SLC6A3: variants seen among roughly 807,000 people sequenced by gnomAD.
SLC6A3 encodes the protein sodium-dependent dopamine transporter.
Under a neutral mutation model 70.4 loss-of-function variants are expected in SLC6A3, and 19 were observed. The ratio of observed to expected loss-of-function variants is 0.27; its 90% CI spans 0.19 to 0.40. The LOEUF (loss-of-function observed/expected upper bound fraction) is 0.40. SLC6A3 is among the 10% of genes least tolerant of loss of function. The probability of loss-of-function intolerance (pLI) is 1.00; values close to 1 mark genes in which losing one functional copy is unlikely to be tolerated. For synonymous variants in SLC6A3, 368 were observed against 356.6 expected (o/e 1.03, Z -0.36); for missense variants, 613 against 838.5 (o/e 0.73, Z 3.32).
rs186294885 is a variant in SLC6A3 at position 1,437,299 on chromosome 5, G to A, written c.418+4060C>T. On this transcript the variant is annotated intron_variant, in intron 3 of 14. Transcript: ENST00000270349. The surrounding 1 kb of genome is among the most constrained non-coding windows in gnomAD (Gnocchi z 4.8). ...AAAGAAAAGAAAGAGGGGAGAGGAC[G>A]CCTCTCTGTGTCAGTCTGGGTGTCT... Among the ~76,000 whole-genome samples, 77 of 151,778 alleles carry A rather than the reference G, an allele frequency of 5.1e-4. No individual in the cohort carries two copies. The highest frequency in any genetic ancestry group is 1.7e-3 in the African/African-American group (70 of 41,440).
Position 1,438,970 on chromosome 5 carries a change from C to T in SLC6A3, c.418+2389G>A, listed in dbSNP as rs2617606. The stretch of plus-strand genomic sequence containing the variant: ...GGACCACGGTGCAAGCTCAGCATCG[C>T]TTACGACTGCAGGCTCAGAGGCAGC... On this transcript the variant is annotated intron_variant, in intron 3 of 14. Coordinates refer to ENST00000270349, the MANE Select transcript of SLC6A3 (RefSeq NM_001044.5). This position sits in a 1 kb window ranked among gnomAD's most constrained non-coding sequence, Gnocchi z 6.5. 9.0e-3 allele frequency among the ~76,000 whole-genome samples: 1,365 copies of T among 152,364 alleles called. 13 individuals carry two copies. Among genetic ancestry groups the T allele is most frequent in the Middle Eastern group, 0.034 (10 of 294 alleles).
rs1442776137 is a variant in SLC6A3, at chr5:1,442,410, C to T, written c.286+502G>A. The stretch of plus-strand genomic sequence containing the variant: ...GGAAGGGATCACCAATGTTCTTGGA[C>T]GTCCCCGGTGGCCCTGCCTCGATCT... On this transcript the variant is annotated intron_variant, in intron 2 of 14. Coordinates refer to ENST00000270349, the MANE Select transcript of SLC6A3 (RefSeq NM_001044.5). The surrounding 1 kb of genome is among the most constrained non-coding windows in gnomAD (Gnocchi z 5.0). 1.3e-5 allele frequency among the ~76,000 whole-genome samples: 2 copies of T among 152,082 alleles called. No individual in the cohort carries two copies. The highest frequency in any genetic ancestry group is 2.4e-5 in the African/African-American group (1 of 41,426).
chr5:1,442,457 G>A lies in SLC6A3; in HGVS notation c.286+455C>T, dbSNP rs114846454. Among the ~76,000 whole-genome samples, 1 of 152,202 alleles carries A rather than the reference G, an allele frequency of 6.6e-6. No homozygotes were observed. The highest frequency in any genetic ancestry group is 1.9e-4 in the East Asian group (1 of 5,196). ...ATCTTCGCTTTCTGGCTCTGTGGCT[G>A]GGTTCTGGAGGGTGCAGGGGACACA... is the stretch of plus-strand genomic sequence containing the variant. On this transcript the variant is annotated intron_variant, in intron 2 of 14. Transcript: ENST00000270349. This position sits in a 1 kb window ranked among gnomAD's most constrained non-coding sequence, Gnocchi z 5.0.
In SLC6A3 at chr5:1,438,080, G is replaced by A. The variant is rs778330432; in HGVS notation, c.418+3279C>T. Among the ~76,000 whole-genome samples, 8 of 152,230 alleles carry A rather than the reference G, an allele frequency of 5.3e-5. No individual in the cohort carries two copies. Among genetic ancestry groups the A allele is most frequent in the African/African-American group, 1.7e-4 (7 of 41,452 alleles). On this transcript the variant is annotated intron_variant, in intron 3 of 14. Transcript: ENST00000270349. The surrounding 1 kb of genome is among the most constrained non-coding windows in gnomAD (Gnocchi z 6.5). Reference sequence around the variant, plus strand: ...GGACGCTGGCACCGGAACCTGCAGCGTTACTGAGATTCAACAACTCAAGGT... The same window carrying A: ...GGACGCTGGCACCGGAACCTGCAGCATTACTGAGATTCAACAACTCAAGGT...
At chr5:1,409,971 T>A in intron 9 of SLC6A3, 122 bp from the exon 10 acceptor site, 1 of 1,289,776 alleles carries the variant, frequency 7.8e-7, no homozygotes, top group South Asian at 1.2e-5. Flanking sequence ...AGGGGCCACA[T>A]GGCCGTCCAG....
chr5:1,392,923 G>T lies in SLC6A3; in HGVS notation c.*1812C>A, dbSNP rs28363174. 2.0e-5 allele frequency: 3 copies of T among 150,826 alleles called. No homozygotes were observed. Among genetic ancestry groups the T allele is most frequent in the African/African-American group, 7.5e-5 (3 of 40,224 alleles). The allele number at this position is 150,826 out of a possible 1,614,324, so 9.3% of individuals were successfully genotyped here. A position where few individuals can be genotyped will look rare whatever the true frequency, so the allele number is the denominator to read the frequency against. ...CTCCCCAGAAGGCGATGGGGAAGCC[G>T]CTCTCTGTGCTGACTGCAGCAGCCA... On this transcript the variant is annotated 3_prime_UTR_variant, in exon 15 of 15. Coordinates refer to ENST00000270349, the MANE Select transcript of SLC6A3 (RefSeq NM_001044.5).
chr5:1,427,627 T>C (rs983457700), intron 4 of SLC6A3, among the ~76,000 whole-genome samples: 1 of 152,190 alleles, frequency 6.6e-6, no homozygotes, highest in African/African-American at 2.4e-5. Context: ...ATTTTATATA[T>C]AATGACACAT....
intron 11 of SLC6A3, among the ~76,000 whole-genome samples, chr5:1,407,679 A>G (rs1190336487): frequency 6.6e-6 from 1 of 152,232 alleles, no homozygotes; most frequent in Non-Finnish European, 1.5e-5. Context: ...AATTCAAGGC[A>G]CTTTCTCCCT....
intron 4 of SLC6A3, among the ~76,000 whole-genome samples, chr5:1,428,944 G>T (rs1008226752): frequency 6.6e-6 from 1 of 152,124 alleles, no homozygotes; most frequent in Admixed American, 6.5e-5. Flanking sequence ...GTCATGTTTC[G>T]TACATTGTGT....
In SLC6A3 at chr5:1,413,851, G is replaced by A. The variant is rs375182045; in HGVS notation, c.1156+840C>T. On this transcript the variant is annotated intron_variant, in intron 8 of 14. Coordinates refer to ENST00000270349, the MANE Select transcript of SLC6A3 (RefSeq NM_001044.5). This position sits in a 1 kb window ranked among gnomAD's most constrained non-coding sequence, Gnocchi z 7.1. ...CACTGCAAGCACCGGAGCCAGGCAC[G>A]TGGCCCCAAGTGCCTGGGCCCACTC... 6.6e-6 allele frequency among the ~76,000 whole-genome samples: 1 copy of A among 152,112 alleles called. No homozygotes were observed. Among genetic ancestry groups the A allele is most frequent in the Admixed American group, 6.5e-5 (1 of 15,282 alleles).
At chr5:1,415,987 G>T in intron 7 of SLC6A3, 111 bp downstream of exon 7, 1 of 803,668 alleles carries the variant, frequency 1.2e-6, no homozygotes, top group Non-Finnish European at 2.2e-6. Flanking sequence ...TCACAGGTTT[G>T]CGGGTTCAGT....
In SLC6A3 at chr5:1,420,585, C is replaced by T. The variant is rs748308614; in HGVS notation, c.911G>A (p.Arg304Gln). 29 of 1,613,336 alleles carry T rather than the reference C, an allele frequency of 1.8e-5. No homozygotes were observed. In the South Asian group the frequency reaches 2.6e-4, roughly 15 times the overall value. ...TGTACTCACAGACGCCTCGCAGAGCCGGTAGAAGTCAACGCTCAGGTATGC... is the reference window on the plus strand; with the variant it reads ...TGTACTCACAGACGCCTCGCAGAGCTGGTAGAAGTCAACGCTCAGGTATGC... ...IRAYLSVDFY[R>Q]LCEASVWIDA... The change falls in exon 6 of 15, where the codon CGG becomes CAG. Residue 304 changes from arginine (R) to glutamine (Q), a missense_variant. Arg to Gln is a conservative substitution (Grantham distance 43). Coordinates refer to ENST00000270349, the MANE Select transcript of SLC6A3 (RefSeq NM_001044.5).
chr5:1,418,707 TCATC>T (rs373277311), intron 6 of SLC6A3, among the ~76,000 whole-genome samples: 27 of 149,558 alleles, frequency 1.8e-4, no homozygotes, highest in South Asian at 4.3e-4. Context: ...AATCCACCCA[TCATC>T]CATCCATCCA....
chr5:1,434,916 C>T (rs116410696), intron 3 of SLC6A3, among the ~76,000 whole-genome samples: 2,105 of 152,268 alleles, frequency 0.014, 40 homozygotes, highest in African/African-American at 0.046. Flanking sequence ...ATCAGGAGTG[C>T]GGGTAATCCC....
chr5:1,394,403 G>A lies in SLC6A3; in HGVS notation c.*332C>T, dbSNP rs551028835. ...ACACAGTGCCCCTGGGGCAGCCTCA[G>A]AGCCGGGAGCAGGGAGCAGGGAGGG... On this transcript the variant is annotated 3_prime_UTR_variant, in exon 15 of 15. Coordinates refer to ENST00000270349, the MANE Select transcript of SLC6A3 (RefSeq NM_001044.5). This position sits in a 1 kb window ranked among gnomAD's most constrained non-coding sequence, Gnocchi z 4.7. The A allele has an allele frequency of 6.7e-4, 332 of 494,456 alleles. 2 individuals carry two copies. Among genetic ancestry groups the A allele is most frequent in the Middle Eastern group, 2.2e-3 (4 of 1,780 alleles). 30.6% of individuals were successfully genotyped at this position (494,456 alleles called of 1,614,324 possible).
chr5:1,420,130 A>C (rs1756399754), intron 6 of SLC6A3, among the ~76,000 whole-genome samples: 1 of 152,072 alleles, frequency 6.6e-6, no homozygotes, highest in Admixed American at 6.5e-5. Flanking sequence ...TCCCCCACTT[A>C]GTCCACCTGA....
rs541878846 is a variant in SLC6A3, at chr5:1,441,594, G to A, written c.287-104C>T. On this transcript the variant is annotated intron_variant, in intron 2 of 14. Transcript: ENST00000270349. ...CAGTCAACCATCCATGTCCTGGCCC[G>A]ACCGTTTCACCCCACTCTCCAACGG... 65 of 1,347,124 alleles carry A rather than the reference G, an allele frequency of 4.8e-5. 1 individual carries two copies. In the African/African-American group the frequency reaches 6.5e-4, roughly 13 times the overall value. The allele number at this position is 1,347,124 out of a possible 1,614,324, so 83.4% of individuals were successfully genotyped here. A position where few individuals can be genotyped will look rare whatever the true frequency, so the allele number is the denominator to read the frequency against.
chr5:1,399,908 C>T (rs1471805707), intron 14 of SLC6A3, among the ~76,000 whole-genome samples: 2 of 152,322 alleles, frequency 1.3e-5, no homozygotes, highest in African/African-American at 4.8e-5. Context: ...AGAGCCCCCT[C>T]CCTCTGCCTG....
At chr5:1,422,093 A>G in intron 4 of SLC6A3, 79 bp from the exon 5 acceptor site, 1 of 1,462,256 alleles carries the variant, frequency 6.8e-7, no homozygotes, top group Non-Finnish European at 9.4e-7. Flanking sequence ...TTGTCCGGGG[A>G]CCTGCCCTCC....
Sources: allele counts gnomAD v4.1 joint callset (sites outside exome capture counted in the v4.1 genomes callset), GRCh38; gene constraint gnomAD v4.1.1; non-coding constraint Gnocchi (gnomAD v3.1); transcripts MANE v1.5; gene names NCBI Gene and HGNC (gene_info 2026-07-23, HGNC 2026-07-21).